The following ZNF385A variants were observed in gnomAD, a reference collection of about 807,000 sequenced individuals.
The protein encoded by ZNF385A is zinc finger protein 385A, also known as hematopoietic zinc finger protein.
ZNF385A carries 14 observed loss-of-function variants against 32.1 expected under a neutral mutation model. The observed-to-expected ratio is 0.44, with a 90% confidence interval of 0.29 to 0.68. The LOEUF is 0.68. ZNF385A is among the 30% of genes least tolerant of loss of function. ZNF385A has a pLI of 0.14. For synonymous variants in ZNF385A, 197 were observed against 202.7 expected (o/e 0.97, Z 0.24); for missense variants, 406 against 478.4 (o/e 0.85, Z 1.41).
At chr12:54,379,216 G>T in intron 1 of ZNF385A, 1 of 982,626 alleles carries the variant, frequency 1.0e-6, no homozygotes, top group East Asian at 1.1e-4. Context: ...GGGAGAAGGG[G>T]AGGCGGCGCT....
At chr12:54,381,017 G>A (rs1955136656) in intron 1 of ZNF385A, among the ~76,000 whole-genome samples, 1 of 151,962 alleles carries the variant, frequency 6.6e-6, no homozygotes, top group South Asian at 2.1e-4. Context: ...CCAACATGGT[G>A]AAGCCCTGTC....
chr12:54,373,013 TG>T, intron 3 of ZNF385A: 1 of 168,002 alleles, frequency 6.0e-6, no homozygotes, highest in Non-Finnish European at 1.3e-5. Flanking sequence ...CACTCTAGCC[TG>T]GGCGACAGAG....
At chr12:54,379,054 C>A (rs1444267809) in intron 1 of ZNF385A, 5 of 981,164 alleles carry the variant, frequency 5.1e-6, no homozygotes, top group Non-Finnish European at 6.0e-6. Flanking sequence ...GAGGAGGGGC[C>A]GGGTGGCTTA....
chr12:54,378,649 G>A (rs1954968606), intron 1 of ZNF385A, among the ~76,000 whole-genome samples: 1 of 152,126 alleles, frequency 6.6e-6, no homozygotes, highest in Non-Finnish European at 1.5e-5. Flanking sequence ...TCAGGGATGG[G>A]AAGACCTGAG....
At chr12:54,383,849 G>A (rs138500197) in intron 1 of ZNF385A, among the ~76,000 whole-genome samples, 1,996 of 152,290 alleles carry the variant, frequency 0.013, 21 homozygotes, top group Non-Finnish European at 0.022. Context: ...ACCCAAGATC[G>A]TGCCACTGCA....
chr12:54,373,528 A>G (rs1161535286), intron 3 of ZNF385A, among the ~76,000 whole-genome samples: 1 of 150,672 alleles, frequency 6.6e-6, no homozygotes, highest in Non-Finnish European at 1.5e-5. Flanking sequence ...AAGGTCTACT[A>G]CTACCCAAGA....
Position 54,370,723 on chromosome 12 carries a change from T to G in ZNF385A, c.775-2A>C. 6.3e-7 allele frequency: 1 copy of G among 1,583,536 alleles called. No individual in the cohort carries two copies. Among genetic ancestry groups the G allele is most frequent in the Non-Finnish European group, 8.6e-7 (1 of 1,168,410 alleles). ...TCGGTGCCGCCGGCTGGAGATGTGC[T>G]GCGGGGGCCAGTGGATAGGGGGCTG... is the stretch of plus-strand genomic sequence containing the variant. On this transcript the variant is annotated splice_acceptor_variant, in intron 5 of 6. Transcript: ENST00000394313. LOFTEE classifies it high-confidence loss of function. The surrounding 1 kb of genome is among the most constrained non-coding windows in gnomAD (Gnocchi z 5.5).
chr12:54,387,770 T>C (rs566140173), upstream of ZNF385A, among the ~76,000 whole-genome samples: 1 of 152,358 alleles, frequency 6.6e-6, no homozygotes, highest in African/African-American at 2.4e-5. Flanking sequence ...TCTCATCTTA[T>C]AGATGATGAC....
chr12:54,371,185 A>C, intron 4 of ZNF385A, 89 bp from the exon 5 acceptor site: 4 of 1,406,956 alleles, frequency 2.8e-6, no homozygotes, highest in Non-Finnish European at 3.8e-6. Flanking sequence ...CAGGTACAAT[A>C]TGAGGGGGAA....
In ZNF385A at chr12:54,376,704, TCCCTGTCCCCA is replaced by T. The variant is rs1198616862; in HGVS notation, c.88-761_88-751del. On this transcript the variant is annotated intron_variant, in intron 1 of 6. Transcript: ENST00000394313. ...TGGGGCTGGGCGGGATTAGGAACCA[TCCCTGTCCCCA>T]CCCTGGGTCAGCAGACGTCTTTGCA... Among the ~76,000 whole-genome samples the T allele has an allele frequency of 2.0e-5, 3 of 152,094 alleles. No individual in the cohort carries two copies. The East Asian group carries it at 5.8e-4, about 29-fold the overall frequency.
intron 3 of ZNF385A, among the ~76,000 whole-genome samples, chr12:54,372,100 C>T (rs1327916606): frequency 6.6e-6 from 1 of 152,158 alleles, no homozygotes; most frequent in Non-Finnish European, 1.5e-5. Flanking sequence ...GCCCAGCCCC[C>T]AGGAAGTACA....
chr12:54,374,598 G>A (rs968676847), intron 2 of ZNF385A, among the ~76,000 whole-genome samples: 8 of 152,130 alleles, frequency 5.3e-5, no homozygotes, highest in African/African-American at 1.9e-4. Context: ...CTGATGCCTG[G>A]GCTCTGTCCT....
At chr12:54,378,992 C>A in intron 1 of ZNF385A, 1 of 927,696 alleles carries the variant, frequency 1.1e-6, no homozygotes, top group East Asian at 1.2e-4. Context: ...CCCGCAGGGG[C>A]GGGCGGGGAC....
At chr12:54,374,287 C>T in intron 2 of ZNF385A, 152 bp from the exon 3 acceptor site, 1 of 671,272 alleles carries the variant, frequency 1.5e-6, no homozygotes. Context: ...ACCAATAAGT[C>T]CTGGTTATTC....
intron 1 of ZNF385A, among the ~76,000 whole-genome samples, chr12:54,383,879 G>A (rs1955327644): frequency 6.6e-6 from 1 of 152,232 alleles, no homozygotes; most frequent in African/African-American, 2.4e-5. Context: ...GGGCAACAGA[G>A]TGAGACTCCG....
intron 1 of ZNF385A, 42 bp downstream of exon 1, chr12:54,384,386 G>C (rs371239528): frequency 6.5e-7 from 1 of 1,538,048 alleles, no homozygotes; most frequent in Non-Finnish European, 8.8e-7. Flanking sequence ...GAGAAAGGTC[G>C]GGTCACAAGA....
At position 54,370,727 on chromosome 12, in the gene ZNF385A, G is replaced by C; in HGVS notation, c.775-6C>G. On this transcript the variant is annotated splice_region_variant and splice_polypyrimidine_tract_variant and intron_variant, in intron 5 of 6. Transcript: ENST00000394313. This position sits in a 1 kb window ranked among gnomAD's most constrained non-coding sequence, Gnocchi z 5.5. Reference sequence around the variant, plus strand: ...TGCCGCCGGCTGGAGATGTGCTGCGGGGGCCAGTGGATAGGGGGCTGTGAG... The same window carrying C: ...TGCCGCCGGCTGGAGATGTGCTGCGCGGGCCAGTGGATAGGGGGCTGTGAG... The C allele has an allele frequency of 6.3e-7, 1 of 1,585,282 alleles. No individual in the cohort carries two copies. The highest frequency in any genetic ancestry group is 8.6e-7 in the Non-Finnish European group (1 of 1,169,024).
rs560506922 is a variant in ZNF385A, at chr12:54,375,199, C to T, written c.198+645G>A. Among the ~76,000 whole-genome samples the T allele has an allele frequency of 3.4e-3, 517 of 152,262 alleles. 3 individuals carry two copies. The highest frequency in any genetic ancestry group is 5.8e-3 in the Non-Finnish European group (392 of 68,020). On this transcript the variant is annotated intron_variant, in intron 2 of 6. Transcript: ENST00000394313. ...CAGGGCCTGCACCCCACAAAGTCCC[C>T]TCTAGAGCCACACACACTCCACAGA...
intron 1 of ZNF385A, among the ~76,000 whole-genome samples, chr12:54,384,163 C>T (rs559530816): frequency 6.6e-6 from 1 of 152,336 alleles, no homozygotes; most frequent in South Asian, 2.1e-4. Context: ...TAGGGCGATT[C>T]ACTGTAGGAC....
Sources: gnomAD v4.1 joint callset for allele counts (sites outside exome capture counted in the v4.1 genomes callset) on GRCh38, gnomAD v4.1.1 for gene constraint, Gnocchi (gnomAD v3.1) non-coding constraint, MANE v1.5 for transcripts, NCBI Gene and HGNC (gene_info 2026-07-23, HGNC 2026-07-21) for gene names.